Variants in KCNB2 observed in about 807,000 individuals in gnomAD.
KCNB2 encodes the protein delayed rectifier potassium channel protein.
KCNB2 carries 15 observed loss-of-function variants against 61.5 expected under a neutral mutation model. The ratio of observed to expected loss-of-function variants is 0.24; its 90% CI spans 0.16 to 0.38. KCNB2 has a LOEUF of 0.38. KCNB2 is among the 10% of genes least tolerant of loss of function. The pLI is 1.00. For synonymous variants in KCNB2, 457 were observed against 446.0 expected, an observed-to-expected ratio of 1.02 and a Z score of -0.31; for missense variants, 828 against 1,125.2, an observed-to-expected ratio of 0.74 and a Z score of 3.78.
chr8:72,862,361 C>T (rs564091216), intron 2 of KCNB2, among the ~76,000 whole-genome samples: 54 of 152,172 alleles, frequency 3.5e-4, no homozygotes, highest in African/African-American at 1.0e-3. Context: ...AAGTCATGAA[C>T]GCACTAGTAT....
intron 2 of KCNB2, among the ~76,000 whole-genome samples, chr8:72,827,186 A>G (rs1197684681): frequency 6.6e-6 from 1 of 152,176 alleles, no homozygotes; most frequent in Non-Finnish European, 1.5e-5. Context: ...GCTATTAGTA[A>G]AACTAGTTTT....
chr8:72,638,714 C>T (rs1806007743), intron 2 of KCNB2, among the ~76,000 whole-genome samples: 1 of 152,114 alleles, frequency 6.6e-6, no homozygotes, highest in South Asian at 2.1e-4. Context: ...GGAAAAAACT[C>T]AGAAGCCATT....
intron 2 of KCNB2, among the ~76,000 whole-genome samples, chr8:72,755,744 C>T (rs1808278988): frequency 1.3e-5 from 2 of 152,190 alleles, no homozygotes; most frequent in Non-Finnish European, 2.9e-5. Flanking sequence ...AGGATTGCTG[C>T]TTGTTTTATA....
chr8:72,693,161 C>T (rs184869559), intron 2 of KCNB2, among the ~76,000 whole-genome samples: 328 of 152,216 alleles, frequency 2.2e-3, no homozygotes, highest in Admixed American at 5.2e-3. Flanking sequence ...TACCTTCTCT[C>T]GTTTGCTGCG....
intron 2 of KCNB2, among the ~76,000 whole-genome samples, chr8:72,581,852 G>A (rs1449298977): frequency 6.6e-6 from 1 of 152,198 alleles, no homozygotes. Context: ...CTTTGCTAGG[G>A]TTGCTCATTT....
intron 2 of KCNB2, among the ~76,000 whole-genome samples, chr8:72,701,651 A>C (rs1328283626): frequency 6.6e-6 from 1 of 152,202 alleles, no homozygotes; most frequent in Non-Finnish European, 1.5e-5. Context: ...ATTTTTAAGA[A>C]GTTATCCTAA....
chr8:72,689,865 C>A (rs945466011), intron 2 of KCNB2, among the ~76,000 whole-genome samples: 1 of 152,052 alleles, frequency 6.6e-6, no homozygotes, highest in African/African-American at 2.4e-5. Context: ...TTCTTCTGAT[C>A]GTGAGTCTGG....
chr8:72,892,808 C>T lies in KCNB2; in HGVS notation c.580-43127C>T, dbSNP rs1195709216. Among the ~76,000 whole-genome samples, 5 of 152,100 alleles carry T rather than the reference C, an allele frequency of 3.3e-5. 1 individual carries two copies. The South Asian group carries it at 8.3e-4, about 25-fold the overall frequency. ...CTGTTACCCAGGGAAAATTTTCCAC[C>T]ATCCTATAGCTCTGGACATACAGCC... On this transcript the variant is annotated intron_variant, in intron 2 of 2. Transcript: ENST00000523207.
intron 2 of KCNB2, among the ~76,000 whole-genome samples, chr8:72,934,721 C>T (rs889363443): frequency 6.6e-6 from 1 of 152,082 alleles, no homozygotes; most frequent in Non-Finnish European, 1.5e-5. Context: ...TGGCAAAGGT[C>T]AGATGAAACC....
intron 2 of KCNB2, among the ~76,000 whole-genome samples, chr8:72,622,358 G>C (rs963652095): frequency 6.6e-6 from 1 of 152,168 alleles, no homozygotes; most frequent in Non-Finnish European, 1.5e-5. Flanking sequence ...AGAGTATTGA[G>C]ACTAATTGGA....
intron 1 of KCNB2, among the ~76,000 whole-genome samples, chr8:72,544,969 G>T (rs1346239914): frequency 6.6e-6 from 1 of 152,170 alleles, no homozygotes; most frequent in Non-Finnish European, 1.5e-5. Flanking sequence ...TGCAAAGAGG[G>T]CTGGAGTATG....
chr8:72,709,019 A>T (rs1012975385), intron 2 of KCNB2, among the ~76,000 whole-genome samples: 1 of 152,176 alleles, frequency 6.6e-6, no homozygotes, highest in African/African-American at 2.4e-5. Context: ...TTAAGGAGTC[A>T]CTAATAAAAA....
intron 1 of KCNB2, among the ~76,000 whole-genome samples, chr8:72,545,483 T>A (rs912509764): frequency 2.6e-5 from 4 of 152,190 alleles, no homozygotes; most frequent in Non-Finnish European, 5.9e-5. Flanking sequence ...TCAGTGATAT[T>A]TGGGGCACCA....
intron 2 of KCNB2, among the ~76,000 whole-genome samples, chr8:72,590,006 G>T (rs1341032139): frequency 1.3e-5 from 2 of 152,114 alleles, no homozygotes; most frequent in Non-Finnish European, 2.9e-5. Context: ...TACAGTGTAT[G>T]TGTAGATTAT....
chr8:72,810,884 A>G (rs977830941), intron 2 of KCNB2, among the ~76,000 whole-genome samples: 3 of 152,206 alleles, frequency 2.0e-5, no homozygotes, highest in Non-Finnish European at 2.9e-5. Context: ...ATGCAATCAA[A>G]TCAGTCAGAA....
At chr8:72,702,869 A>G (rs145507067) in intron 2 of KCNB2, among the ~76,000 whole-genome samples, 164 of 152,208 alleles carry the variant, frequency 1.1e-3, no homozygotes, top group African/African-American at 3.7e-3. Context: ...CAGGTGTCCT[A>G]TGGATTTCCA....
In KCNB2 at chr8:72,814,533, T is replaced by G. The variant is rs1809359218; in HGVS notation, c.580-121402T>G. ...CATCTTTATCGTTTTAGCCATGCTG[T>G]GCAATCCACAAATGAAAGTTAGTTT... On this transcript the variant is annotated intron_variant, in intron 2 of 2. Coordinates refer to ENST00000523207, the MANE Select transcript of KCNB2 (RefSeq NM_004770.3). 3.9e-5 allele frequency among the ~76,000 whole-genome samples: 6 copies of G among 152,198 alleles called. No individual in the cohort carries two copies. The South Asian group carries it at 1.2e-3, about 32-fold the overall frequency.
chr8:72,911,076 A>T (rs1202603461), intron 2 of KCNB2, among the ~76,000 whole-genome samples: 1 of 152,226 alleles, frequency 6.6e-6, no homozygotes, highest in Non-Finnish European at 1.5e-5. Flanking sequence ...ATTAAACTCT[A>T]TATAGCATCA....
At chr8:72,605,384 T>C (rs1805426996) in intron 2 of KCNB2, among the ~76,000 whole-genome samples, 2 of 152,202 alleles carry the variant, frequency 1.3e-5, no homozygotes, top group South Asian at 4.1e-4. Flanking sequence ...TTTTGTTCTT[T>C]GGGCCTATTT....
Sources: gnomAD v4.1 joint callset for allele counts (sites outside exome capture counted in the v4.1 genomes callset) on GRCh38, gnomAD v4.1.1 for gene constraint, MANE v1.5 for transcripts, NCBI Gene and HGNC (gene_info 2026-07-23, HGNC 2026-07-21) for gene names.